The following HDAC4 variants were observed in gnomAD, a reference collection of about 807,000 sequenced individuals.
HDAC4 encodes histone deacetylase A.
In HDAC4, 16 loss-of-function variants were observed where a neutral mutation model predicts 135.1. The ratio of observed to expected loss-of-function variants is 0.12; its 90% CI spans 0.08 to 0.18. The LOEUF (loss-of-function observed/expected upper bound fraction) is 0.18. Ranked by LOEUF, HDAC4 falls within the 10% of genes least tolerant of loss-of-function variation. The pLI is 1.00. For synonymous variants in HDAC4, 685 were observed against 653.4 expected (o/e 1.05, Z -0.74); for missense variants, 1,143 against 1,511.8 (o/e 0.76, Z 4.05).
chr2:239,065,727 C>T (rs960674914), intron 24 of HDAC4, among the ~76,000 whole-genome samples: 28 of 152,320 alleles, frequency 1.8e-4, no homozygotes, highest in Middle Eastern at 6.8e-3. Flanking sequence ...CCCTGCCCTC[C>T]GCTTCCTGTG....
intron 2 of HDAC4, among the ~76,000 whole-genome samples, chr2:239,258,757 G>T (rs1304662688): frequency 6.6e-6 from 1 of 152,194 alleles, no homozygotes. Context: ...CCACAGAAGA[G>T]ACAGGACAAA....
intron 24 of HDAC4, chr2:239,055,144 G>T: frequency 2.8e-6 from 1 of 359,954 alleles, no homozygotes; most frequent in Non-Finnish European, 5.3e-6. Context: ...CGACGCCACA[G>T]GGTTCCATGA....
At chr2:239,234,922 G>T (rs1255206868) in intron 3 of HDAC4, among the ~76,000 whole-genome samples, 1 of 152,140 alleles carries the variant, frequency 6.6e-6, no homozygotes, top group African/African-American at 2.4e-5. Flanking sequence ...GCCACGCCTG[G>T]TTAAGCACAA....
At chr2:239,380,890 C>T (rs1047150278) in intron 1 of HDAC4, among the ~76,000 whole-genome samples, 5 of 152,154 alleles carry the variant, frequency 3.3e-5, no homozygotes, top group Non-Finnish European at 7.3e-5. Flanking sequence ...CCGGTTTAAA[C>T]GTTCCCGTAC....
At chr2:239,360,342 C>T (rs962350087) in intron 1 of HDAC4, among the ~76,000 whole-genome samples, 10 of 152,212 alleles carry the variant, frequency 6.6e-5, no homozygotes, top group African/African-American at 2.2e-4. Flanking sequence ...CCCCAGCCCC[C>T]GTGTCACAGC....
chr2:239,231,551 A>G (rs974852710), intron 3 of HDAC4, among the ~76,000 whole-genome samples: 1 of 152,238 alleles, frequency 6.6e-6, no homozygotes, highest in Non-Finnish European at 1.5e-5. Flanking sequence ...TCTGTTTAAC[A>G]GTAAGTCCTT....
intron 2 of HDAC4, among the ~76,000 whole-genome samples, chr2:239,258,795 T>A (rs891751688): frequency 6.6e-6 from 1 of 152,224 alleles, no homozygotes; most frequent in Non-Finnish European, 1.5e-5. Flanking sequence ...AAATGGCAGA[T>A]GGGCACACAA....
chr2:239,131,055 A>G (rs1221770419), intron 11 of HDAC4, among the ~76,000 whole-genome samples: 4 of 152,264 alleles, frequency 2.6e-5, no homozygotes, highest in South Asian at 2.1e-4. Flanking sequence ...GACACTCTGC[A>G]AAGATCTGAG....
At chr2:239,127,204 G>A (rs1271728818) in intron 11 of HDAC4, among the ~76,000 whole-genome samples, 1 of 152,130 alleles carries the variant, frequency 6.6e-6, no homozygotes, top group Non-Finnish European at 1.5e-5. Context: ...AGGTCTCTTC[G>A]AGCACTGATT....
chr2:239,133,709 C>T (rs530111563), intron 11 of HDAC4, among the ~76,000 whole-genome samples: 85 of 152,296 alleles, frequency 5.6e-4, no homozygotes, highest in Non-Finnish European at 1.1e-3. Flanking sequence ...TCACGTGATC[C>T]GCCTGCCTCG....
At chr2:239,215,611 T>C (rs1306344560) in intron 3 of HDAC4, among the ~76,000 whole-genome samples, 3 of 152,140 alleles carry the variant, frequency 2.0e-5, no homozygotes, top group Admixed American at 6.5e-5. Context: ...ACAACATGAA[T>C]GGCGGCAACA....
intron 2 of HDAC4, among the ~76,000 whole-genome samples, chr2:239,249,828 AAACTCTTG>A (rs1242329925): frequency 6.6e-6 from 1 of 151,916 alleles, no homozygotes; most frequent in Non-Finnish European, 1.5e-5. Context: ...ACTGCACTCA[AAACTCTTG>A]TGTCAGGAAA....
At chr2:239,236,530 G>A (rs932364999) in intron 3 of HDAC4, 63 bp downstream of exon 3, 76 of 1,314,480 alleles carry the variant, frequency 5.8e-5, no homozygotes, top group East Asian at 7.5e-5. Context: ...AAGGCAGAGC[G>A]TCTGAACACC....
At chr2:239,293,814 T>C (rs1052176540) in intron 2 of HDAC4, among the ~76,000 whole-genome samples, 1 of 152,230 alleles carries the variant, frequency 6.6e-6, no homozygotes, top group Non-Finnish European at 1.5e-5. Flanking sequence ...CCAAAATACC[T>C]GCACTCAGCG....
intron 2 of HDAC4, among the ~76,000 whole-genome samples, chr2:239,282,900 C>T (rs1265835574): frequency 2.6e-5 from 4 of 151,096 alleles, no homozygotes; most frequent in African/African-American, 9.8e-5. Flanking sequence ...CTACAATGAA[C>T]ACACCACTCT....
chr2:239,205,853 C>A (rs3791594), intron 3 of HDAC4, among the ~76,000 whole-genome samples: 2,765 of 152,128 alleles, frequency 0.018, 85 homozygotes, highest in East Asian at 0.14. Context: ...GTGTCTGTAA[C>A]CCACGTGTTG....
Position 239,299,551 on chromosome 2 carries a change from C to T in HDAC4, c.22+53127G>A, listed in dbSNP as rs567260614. 5.3e-5 allele frequency among the ~76,000 whole-genome samples: 8 copies of T among 152,304 alleles called. No homozygotes were observed. In the East Asian group the frequency reaches 5.8e-4, roughly 11 times the overall value. ...GTACAACTGTACAACGGGAGGGCAG[C>T]GACACGTGCTTATTTGTATTAATGT... On this transcript the variant is annotated intron_variant, in intron 2 of 26. Coordinates refer to ENST00000543185, the MANE Select transcript of HDAC4 (RefSeq NM_001378414.1). This position sits in a 1 kb window ranked among gnomAD's most constrained non-coding sequence, Gnocchi z 4.0.
rs1027764575 is a variant in HDAC4, at chr2:239,114,210, C to G, written c.1791+843G>C. Reference sequence around the variant, plus strand: ...GGTGGAGATGCAGCGTCTGGCCACACAGCTGGCAGTCAGGAAGCTGGGGAG... The same window carrying G: ...GGTGGAGATGCAGCGTCTGGCCACAGAGCTGGCAGTCAGGAAGCTGGGGAG... On this transcript the variant is annotated intron_variant, in intron 13 of 26. Transcript: ENST00000543185. 3.7e-4 allele frequency among the ~76,000 whole-genome samples: 56 copies of G among 152,342 alleles called. 1 individual carries two copies. Among genetic ancestry groups the G allele is most frequent in the Non-Finnish European group, 7.3e-5 (5 of 68,036 alleles).
chr2:239,064,803 C>A (rs1279279577), intron 24 of HDAC4, among the ~76,000 whole-genome samples: 1 of 152,148 alleles, frequency 6.6e-6, no homozygotes, highest in African/African-American at 2.4e-5. Flanking sequence ...AATGAGAATT[C>A]CAGCACCCAC....
Sources: gnomAD v4.1 joint callset for allele counts (sites outside exome capture counted in the v4.1 genomes callset) on GRCh38, gnomAD v4.1.1 for gene constraint, Gnocchi (gnomAD v3.1) non-coding constraint, MANE v1.5 for transcripts, NCBI Gene and HGNC (gene_info 2026-07-23, HGNC 2026-07-21) for gene names.